Variants in ATG10 observed in about 807,000 individuals in gnomAD.
ATG10 encodes the protein autophagy related 10.
Under a neutral mutation model 32.1 loss-of-function variants are expected in ATG10, and 30 were observed. The ratio of observed to expected loss-of-function variants is 0.94; its 90% CI spans 0.70 to 1.27. ATG10 has a LOEUF of 1.27. Ranked by LOEUF, ATG10 falls within the 50% of genes most tolerant of loss-of-function variation. The pLI is 0.00. For synonymous variants in ATG10, 87 were observed against 91.5 expected, an observed-to-expected ratio of 0.95 and a Z score of 0.28; for missense variants, 233 against 262.3, an observed-to-expected ratio of 0.89 and a Z score of 0.77.
intron 5 of ATG10, among the ~76,000 whole-genome samples, chr5:82,185,251 T>C (rs1256332077): frequency 6.6e-6 from 1 of 152,202 alleles, no homozygotes; most frequent in African/African-American, 2.4e-5. Flanking sequence ...TTAAATATAT[T>C]CTTTCTAACA....
intron 3 of ATG10, among the ~76,000 whole-genome samples, chr5:82,062,571 CTT>C (rs1319933956): frequency 6.6e-6 from 1 of 152,124 alleles, no homozygotes; most frequent in Non-Finnish European, 1.5e-5. Context: ...TAATGTCACA[CTT>C]ATAATTATCT....
chr5:82,002,693 C>A (rs931298440), intron 2 of ATG10, among the ~76,000 whole-genome samples: 3 of 152,132 alleles, frequency 2.0e-5, no homozygotes, highest in Non-Finnish European at 4.4e-5. Flanking sequence ...TCATTGGGTA[C>A]TGTGCTTATA....
chr5:82,175,587 T>TG (rs1257819563), intron 4 of ATG10, among the ~76,000 whole-genome samples: 1 of 151,632 alleles, frequency 6.6e-6, no homozygotes, highest in Non-Finnish European at 1.5e-5. Context: ...GTTATGTGTG[T>TG]TTTTTTTTAG....
rs1189095698 is a variant in ATG10 at position 82,220,635 on chromosome 5, CTTTT to C, written c.454-31918_454-31915del. Among the ~76,000 whole-genome samples the C allele has an allele frequency of 5.6e-5, 8 of 143,200 alleles. No homozygotes were observed. In the South Asian group the frequency reaches 1.8e-3, roughly 32 times the overall value. The allele number at this position is 143,200 out of a possible 152,430, so 93.9% of individuals were successfully genotyped here. On this transcript the variant is annotated intron_variant, in intron 5 of 7. Coordinates refer to ENST00000282185, the MANE Select transcript of ATG10 (RefSeq NM_031482.5). Reference sequence around the variant, plus strand: ...ATGTACTCCATCTCTCTCTCTCTCTCTTTTTTTTTTTTAAGATGGAGTCTTGCTT... The same window carrying C: ...ATGTACTCCATCTCTCTCTCTCTCTCTTTTTTTTAAGATGGAGTCTTGCTT...
chr5:81,993,634 G>C (rs1207284775), intron 2 of ATG10, among the ~76,000 whole-genome samples: 3 of 151,236 alleles, frequency 2.0e-5, no homozygotes, highest in African/African-American at 7.3e-5. Context: ...CACGATGTTG[G>C]TCAGGCTGGT....
chr5:82,006,390 A>G (rs1192310543), intron 2 of ATG10, among the ~76,000 whole-genome samples: 1 of 152,180 alleles, frequency 6.6e-6, no homozygotes, highest in Non-Finnish European at 1.5e-5. Context: ...ATTCCCGCAT[A>G]CCCATCACCT....
chr5:82,174,556 T>A (rs1296154396), intron 4 of ATG10, among the ~76,000 whole-genome samples: 6 of 152,010 alleles, frequency 3.9e-5, no homozygotes, highest in African/African-American at 1.5e-4. Context: ...AAAATAAGTA[T>A]AATTTTTTTT....
chr5:82,164,346 A>T, intron 3 of ATG10, 53 bp from the exon 4 acceptor site: 1 of 1,536,510 alleles, frequency 6.5e-7, no homozygotes, highest in Non-Finnish European at 9.0e-7. Flanking sequence ...TCTCCATGTT[A>T]GTACTTTTCT....
At chr5:82,100,887 G>A (rs912725916) in intron 3 of ATG10, among the ~76,000 whole-genome samples, 19 of 149,612 alleles carry the variant, frequency 1.3e-4, no homozygotes, top group Non-Finnish European at 4.4e-5. Flanking sequence ...AAAAAAGGAA[G>A]TTAATAATTC....
intron 1 of ATG10, among the ~76,000 whole-genome samples, chr5:81,977,733 GT>G (rs963308187): frequency 2.6e-5 from 4 of 152,100 alleles, no homozygotes; most frequent in Non-Finnish European, 5.9e-5. Flanking sequence ...GAATTCATGT[GT>G]TCAGAACTCC....
chr5:82,111,751 A>G (rs927690531), intron 3 of ATG10, among the ~76,000 whole-genome samples: 12 of 152,014 alleles, frequency 7.9e-5, no homozygotes, highest in Admixed American at 7.2e-4. Flanking sequence ...ATGGCCTCAA[A>G]TAGAAACTAT....
chr5:82,059,211 T>C (rs1227191256), intron 3 of ATG10, among the ~76,000 whole-genome samples: 1 of 152,174 alleles, frequency 6.6e-6, no homozygotes, highest in East Asian at 1.9e-4. Context: ...TTCATTTTTC[T>C]TTTTATCGAA....
intron 3 of ATG10, among the ~76,000 whole-genome samples, chr5:82,059,074 C>A (rs1339522747): frequency 2.0e-5 from 3 of 152,124 alleles, no homozygotes; most frequent in Non-Finnish European, 2.9e-5. Context: ...CTGCCTTTAG[C>A]CCCTTTTCCC....
At chr5:82,142,583 C>T (rs1046376670) in intron 3 of ATG10, among the ~76,000 whole-genome samples, 3 of 152,178 alleles carry the variant, frequency 2.0e-5, no homozygotes, top group Non-Finnish European at 2.9e-5. Context: ...CAAAGAGCCT[C>T]AGATGCCATC....
rs543378742 is a variant in ATG10 at position 82,226,452 on chromosome 5, G to C, written c.454-26110G>C. On this transcript the variant is annotated intron_variant, in intron 5 of 7. Transcript: ENST00000282185. ...CCCATTACTCAGTTCAGTCTTCCCTGAAGTATTAGTATTTCAAACAATCCT... is the reference window on the plus strand; with the variant it reads ...CCCATTACTCAGTTCAGTCTTCCCTCAAGTATTAGTATTTCAAACAATCCT... Among the ~76,000 whole-genome samples, 175 of 152,024 alleles carry C rather than the reference G, an allele frequency of 1.2e-3. 2 individuals are homozygous for C. The highest frequency in any genetic ancestry group is 2.2e-3 in the Admixed American group (34 of 15,266).
chr5:82,028,748 A>G (rs574123282), intron 2 of ATG10, among the ~76,000 whole-genome samples: 4 of 152,356 alleles, frequency 2.6e-5, no homozygotes, highest in South Asian at 2.1e-4. Context: ...TTTGGTAGAC[A>G]GTTCTTACTT....
At chr5:82,010,730 C>T (rs1407265983) in intron 2 of ATG10, among the ~76,000 whole-genome samples, 1 of 152,134 alleles carries the variant, frequency 6.6e-6, no homozygotes, top group African/African-American at 2.4e-5. Flanking sequence ...TTGGTGCTTT[C>T]CATGTCATCT....
At chr5:82,014,474 G>A (rs1762221241) in intron 2 of ATG10, among the ~76,000 whole-genome samples, 2 of 152,156 alleles carry the variant, frequency 1.3e-5, no homozygotes, top group South Asian at 2.1e-4. Flanking sequence ...AAGTCTCTTT[G>A]TAGGTCTCTA....
chr5:82,139,451 G>T (rs944722720), intron 3 of ATG10, among the ~76,000 whole-genome samples: 3 of 137,814 alleles, frequency 2.2e-5, no homozygotes, highest in Non-Finnish European at 4.7e-5. Context: ...GTCTCTGCCC[G>T]GCCGCCCATC....
Sources: gnomAD v4.1 joint callset for allele counts (sites outside exome capture counted in the v4.1 genomes callset) on GRCh38, gnomAD v4.1.1 for gene constraint, MANE v1.5 for transcripts, NCBI Gene and HGNC (gene_info 2026-07-23, HGNC 2026-07-21) for gene names.